The following CSMD3 variants were observed in gnomAD, a reference collection of about 807,000 sequenced individuals.
CSMD3 encodes the protein CUB and Sushi multiple domains 3, also known as CUB and sushi domain-containing protein 3.
In CSMD3, 177 loss-of-function variants were observed where a neutral mutation model predicts 435.2. The ratio of observed to expected loss-of-function variants is 0.41; its 90% CI spans 0.36 to 0.46. The LOEUF (loss-of-function observed/expected upper bound fraction) is 0.46, where lower values mean the gene tolerates loss of function less well. Ranked by LOEUF, CSMD3 falls within the 20% of genes least tolerant of loss-of-function variation. The probability of loss-of-function intolerance (pLI) is 0.34; values close to 1 mark genes in which losing one functional copy is unlikely to be tolerated. For missense variants in CSMD3, 4,265 were observed against 4,504.6 expected, an observed-to-expected ratio of 0.95 and a Z score of 1.52; for synonymous variants, 1,656 against 1,520.5, an observed-to-expected ratio of 1.09 and a Z score of -2.07.
chr8:113,174,571 CCTT>C (rs1374872894), intron 3 of CSMD3, among the ~76,000 whole-genome samples: 1 of 151,636 alleles, frequency 6.6e-6, no homozygotes, highest in Non-Finnish European at 1.5e-5. Context: ...TTACCTATCA[CCTT>C]CTTATTCTAT....
At chr8:113,431,256 C>CT (rs1416241271) in intron 1 of CSMD3, among the ~76,000 whole-genome samples, 4 of 152,084 alleles carry the variant, frequency 2.6e-5, no homozygotes, top group African/African-American at 9.7e-5. Context: ...CCACTGTATT[C>CT]TAAATTATAT....
chr8:113,059,987 A>C (rs1587987620), intron 5 of CSMD3, among the ~76,000 whole-genome samples: 2 of 90,172 alleles, frequency 2.2e-5, no homozygotes, highest in African/African-American at 9.4e-5. Context: ...TTTTATTTTT[A>C]TTTATTTATT....
At chr8:113,218,466 CAAAAAA>C (rs35840130) in intron 3 of CSMD3, among the ~76,000 whole-genome samples, 1 of 94,830 alleles carries the variant, frequency 1.1e-5, no homozygotes. Flanking sequence ...TAAAGTGCTA[CAAAAAA>C]AAAAAAAAAG....
intron 32 of CSMD3, among the ~76,000 whole-genome samples, chr8:112,456,492 T>C (rs938475579): frequency 2.7e-5 from 4 of 148,152 alleles, no homozygotes; most frequent in Admixed American, 7.0e-5. Context: ...GGAAGCTTAT[T>C]ATCTAAAGAA....
intron 58 of CSMD3, among the ~76,000 whole-genome samples, chr8:112,283,588 A>T (rs954993915): frequency 6.6e-6 from 1 of 151,394 alleles, no homozygotes; most frequent in African/African-American, 2.4e-5. Context: ...ACTCTTTTTT[A>T]TTTCTATTTT....
intron 32 of CSMD3, among the ~76,000 whole-genome samples, chr8:112,454,956 G>C (rs1273224719): frequency 1.3e-5 from 2 of 152,030 alleles, no homozygotes; most frequent in Non-Finnish European, 2.9e-5. Context: ...CTTGAGCCAA[G>C]GAGGTCGAGG....
rs1824593225 is a variant in CSMD3, at chr8:112,336,663, G to T, written c.7008C>A (p.Phe2336Leu). 6.2e-7 allele frequency: 1 copy of T among 1,609,160 alleles called. No homozygotes were observed. Among genetic ancestry groups the T allele is most frequent in the Admixed American group, 1.7e-5 (1 of 59,976 alleles). ...TVLQTEPIYDFITVWDGPDQN... is the reference protein window; with the variant it reads ...TVLQTEPIYDLITVWDGPDQN... Reference sequence around the variant, plus strand: ...TAGTCCTGACTTACCATACAGTAATGAAATCATATATTGGTTCTGTTTGAA... The same window carrying T: ...TAGTCCTGACTTACCATACAGTAATTAAATCATATATTGGTTCTGTTTGAA... Residue 2336 changes from phenylalanine to leucine, a missense_variant, in exon 44 of 71, where the codon TTC becomes TTA. Phe to Leu is a conservative substitution (Grantham distance 22). Transcript: ENST00000297405.
intron 13 of CSMD3, among the ~76,000 whole-genome samples, chr8:112,728,590 C>T (rs1446847378): frequency 6.6e-6 from 1 of 151,876 alleles, no homozygotes; most frequent in Admixed American, 6.6e-5. Context: ...ACAAGACCAC[C>T]TTTGCTAGCC....
intron 28 of CSMD3, among the ~76,000 whole-genome samples, chr8:112,509,231 A>C (rs1822844749): frequency 6.6e-6 from 1 of 152,002 alleles, no homozygotes; most frequent in African/African-American, 2.4e-5. Context: ...CTGGGACTAC[A>C]GAGGTGTGCT....
At chr8:113,315,784 T>C (rs1448058525) in intron 1 of CSMD3, among the ~76,000 whole-genome samples, 1 of 151,334 alleles carries the variant, frequency 6.6e-6, no homozygotes, top group African/African-American at 2.4e-5. Flanking sequence ...AGTGGCGAGA[T>C]CTCAGCTCAC....
chr8:113,364,018 T>C (rs1442232226), intron 1 of CSMD3, among the ~76,000 whole-genome samples: 1 of 152,220 alleles, frequency 6.6e-6, no homozygotes, highest in Admixed American at 6.5e-5. Flanking sequence ...TTTAGTTCTA[T>C]GATCTTTTTT....
rs1824467170 is a variant in CSMD3, at chr8:112,335,470, C to T, written c.7024G>A (p.Gly2342Arg). The change falls in exon 45 of 71, where the codon GGA becomes AGA. Residue 2342 changes from glycine (G) to arginine (R), a missense_variant. This residue lies in a region of CSMD3 where 3,255 missense variants were observed against 3,380.2 expected (regional missense o/e 0.96). Transcript: ENST00000297405. ...ATCTGAGGTGAATTTTGGTCTGGTC[C>T]ATCCCTATGAGACAAGGATTGGGAA... ...PIYDFITVWD[G>R]PDQNSPQIGQ... 6.2e-7 allele frequency: 1 copy of T among 1,613,724 alleles called. No individual in the cohort carries two copies. The highest frequency in any genetic ancestry group is 8.5e-7 in the Non-Finnish European group (1 of 1,179,788).
intron 42 of CSMD3, 151 bp downstream of exon 42, chr8:112,341,326 C>CAT: frequency 1.6e-6 from 1 of 608,428 alleles, no homozygotes; most frequent in Non-Finnish European, 2.8e-6. Flanking sequence ...TTGCATTGTT[C>CAT]TAAAAATCTT....
chr8:112,967,562 C>T (rs2084471445), intron 7 of CSMD3, among the ~76,000 whole-genome samples: 1 of 151,834 alleles, frequency 6.6e-6, no homozygotes, highest in South Asian at 2.1e-4. Context: ...TCTCTGTCTG[C>T]TTTCTGTTGT....
At chr8:112,418,778 CT>C (rs1250185104) in intron 32 of CSMD3, among the ~76,000 whole-genome samples, 1 of 152,094 alleles carries the variant, frequency 6.6e-6, no homozygotes, top group Non-Finnish European at 1.5e-5. Flanking sequence ...TTAAATATCC[CT>C]AATCCCAAAA....
chr8:112,376,311 C>T (rs75430287), intron 38 of CSMD3, among the ~76,000 whole-genome samples: 4,887 of 152,008 alleles, frequency 0.032, 103 homozygotes, highest in Non-Finnish European at 0.043. Context: ...GGTAGGTGTT[C>T]AAAATATTTG....
At chr8:113,235,871 A>T (rs1046752615) in intron 3 of CSMD3, among the ~76,000 whole-genome samples, 3 of 62,446 alleles carry the variant, frequency 4.8e-5, no homozygotes, top group Admixed American at 1.2e-4. Flanking sequence ...ACCCTACAGG[A>T]AGGATACCGG....
chr8:112,573,295 TGA>T lies in CSMD3; in HGVS notation c.4042+204_4042+205del, dbSNP rs556455996. Among the ~76,000 whole-genome samples the T allele has an allele frequency of 4.9e-4, 74 of 152,218 alleles. 1 individual carries two copies. In the East Asian group the frequency reaches 7.5e-3, roughly 15 times the overall value. ...ATTACTTAACCTCTGTAAAACAAACTGAGTCGTTTCAACTGTAAAATGGCAAT... is the reference window on the plus strand; with the variant it reads ...ATTACTTAACCTCTGTAAAACAAACTGTCGTTTCAACTGTAAAATGGCAAT... On this transcript the variant is annotated intron_variant, in intron 24 of 70. Transcript: ENST00000297405.
At chr8:113,169,602 C>T (rs1459065970) in intron 4 of CSMD3, among the ~76,000 whole-genome samples, 1 of 152,112 alleles carries the variant, frequency 6.6e-6, no homozygotes, top group Non-Finnish European at 1.5e-5. Flanking sequence ...CCTATGACTG[C>T]CTTCTTAAAT....
Sources: gnomAD v4.1 joint callset for allele counts (sites outside exome capture counted in the v4.1 genomes callset) on GRCh38, gnomAD v4.1.1 for gene constraint, gnomAD v4.1.1 regional missense constraint, MANE v1.5 for transcripts, NCBI Gene and HGNC (gene_info 2026-07-23, HGNC 2026-07-21) for gene names.